The following SCARA3 variants were observed in gnomAD, a reference collection of about 807,000 sequenced individuals.
SCARA3 encodes scavenger receptor class A member 3.
A neutral mutation model predicts 47.0 loss-of-function variants in SCARA3; 39 were observed. The ratio of observed to expected loss-of-function variants is 0.83; its 90% CI spans 0.64 to 1.08. The LOEUF (loss-of-function observed/expected upper bound fraction) is 1.08. SCARA3 is among the 50% of genes least tolerant of loss of function. The pLI, the probability that SCARA3 is intolerant of heterozygous loss-of-function variation, is 0.00. For missense variants in SCARA3, 724 were observed against 792.3 expected (o/e 0.91, Z 1.04); for synonymous variants, 356 against 334.1 (o/e 1.07, Z -0.71).
downstream of SCARA3, among the ~76,000 whole-genome samples, chr8:27,676,002 GT>G (rs1585303203): frequency 6.6e-6 from 1 of 152,200 alleles, no homozygotes; most frequent in East Asian, 1.9e-4. Context: ...GAAAAATATT[GT>G]TTTTTGATTT....
chr8:27,728,368 C>G, the SCARA3 span, among the ~76,000 whole-genome samples: 1 of 152,212 alleles, frequency 6.6e-6, no homozygotes, highest in East Asian at 1.9e-4. Flanking sequence ...GAAGAACCCA[C>G]AAATGGGTGG....
chr8:27,704,973 A>G, the SCARA3 span, among the ~76,000 whole-genome samples: 1 of 152,136 alleles, frequency 6.6e-6, no homozygotes, highest in African/African-American at 2.4e-5. Flanking sequence ...GCTGCAAAAT[A>G]ATCTCAACTT....
the SCARA3 span, among the ~76,000 whole-genome samples, chr8:27,700,022 A>G: frequency 6.6e-6 from 1 of 152,218 alleles, no homozygotes; most frequent in Non-Finnish European, 1.5e-5. Flanking sequence ...ACAAAAATTC[A>G]TCTGATATGG....
chr8:27,649,756 C>A lies in SCARA3; in HGVS notation c.62C>A (p.Ala21Glu), dbSNP rs537828895. ...TTGTGCGTTACAGAAGAGGACCTGGCGGGTGACGACGAGGACATGCCGACC... is the reference window on the plus strand; with the variant it reads ...TTGTGCGTTACAGAAGAGGACCTGGAGGGTGACGACGAGGACATGCCGACC... Reference protein sequence around the residue: ...DALCVTEEDLAGDDEDMPTFP... With the variant: ...DALCVTEEDLEGDDEDMPTFP... Residue 21 changes from alanine (A) to glutamate (E), a missense_variant, in exon 2 of 6, where the codon GCG becomes GAG. Physicochemically the swap from Ala to Glu is moderately radical, Grantham distance 107. Transcript: ENST00000301904. The A allele has an allele frequency of 6.2e-7, 1 of 1,614,092 alleles. No homozygotes were observed. The highest frequency in any genetic ancestry group is 8.5e-7 in the Non-Finnish European group (1 of 1,180,012).
chr8:27,731,573 C>T, the SCARA3 span, among the ~76,000 whole-genome samples: 2 of 140,442 alleles, frequency 1.4e-5, no homozygotes, highest in Non-Finnish European at 3.0e-5. Context: ...GCCTCGGAGA[C>T]GGAGGTTGCA....
rs761562037 is a variant in SCARA3, at chr8:27,651,460, A to C, written c.107-48A>C. The C allele has an allele frequency of 3.8e-6, 6 of 1,597,592 alleles. No homozygotes were observed. In the East Asian group the frequency reaches 1.3e-4, roughly 36 times the overall value. On this transcript the variant is annotated intron_variant, in intron 2 of 5. Coordinates refer to ENST00000301904, the MANE Select transcript of SCARA3 (RefSeq NM_016240.3). ...AACATGGAACTGACCCTTCAGCTCC[A>C]ACCTGGGCCCCTGGCCTAAGCCATT...
chr8:27,675,514 C>T (rs1273892185), downstream of SCARA3, among the ~76,000 whole-genome samples: 2 of 152,082 alleles, frequency 1.3e-5, no homozygotes, highest in Admixed American at 6.5e-5. Flanking sequence ...GTGTGGCAGG[C>T]GGTATACACA....
chr8:27,664,458 T>A lies in SCARA3; in HGVS notation c.1369+4919T>A, dbSNP rs372299783. ...GGAGTTTAAAGGAATAAGCACAGGG[T>A]CACTCTGATTTAAAATCCTGACCCC... On this transcript the variant is annotated intron_variant, in intron 5 of 5. Coordinates refer to ENST00000301904, the MANE Select transcript of SCARA3 (RefSeq NM_016240.3). Among the ~76,000 whole-genome samples the A allele has an allele frequency of 2.6e-5, 4 of 152,116 alleles. No individual in the cohort carries two copies. The South Asian group carries it at 8.3e-4, about 32-fold the overall frequency.
chr8:27,719,389 A>G, the SCARA3 span, among the ~76,000 whole-genome samples: 34 of 152,254 alleles, frequency 2.2e-4, no homozygotes, highest in African/African-American at 7.9e-4. Flanking sequence ...GAGGGTGAAG[A>G]GTGGGAGGAG....
intron 5 of SCARA3, among the ~76,000 whole-genome samples, chr8:27,668,686 C>T (rs1802075561): frequency 6.6e-6 from 1 of 152,010 alleles, no homozygotes; most frequent in Non-Finnish European, 1.5e-5. Context: ...ATAGTGAAAC[C>T]CCATCTCTGC....
At chr8:27,673,696 C>T (rs1264437924), downstream of SCARA3, among the ~76,000 whole-genome samples, 4 of 152,128 alleles carry the variant, frequency 2.6e-5, no homozygotes, top group Non-Finnish European at 2.9e-5. Flanking sequence ...TCTGAGATGT[C>T]CACAGCACCT....
the SCARA3 span, among the ~76,000 whole-genome samples, chr8:27,710,538 C>CT: frequency 1.3e-5 from 2 of 152,136 alleles, no homozygotes; most frequent in African/African-American, 4.8e-5. Context: ...TGAACGAAAA[C>CT]TATCACCCCA....
intron 1 of SCARA3, among the ~76,000 whole-genome samples, chr8:27,642,111 G>A (rs979570465): frequency 4.6e-5 from 7 of 152,172 alleles, no homozygotes; most frequent in African/African-American, 1.7e-4. Flanking sequence ...CTCTAAGATG[G>A]CGATAGAGTA....
Position 27,656,941 on chromosome 8 carries a change from C to T in SCARA3, c.325+61C>T, listed in dbSNP as rs1053101257. The T allele has an allele frequency of 2.8e-6, 3 of 1,064,564 alleles. No individual in the cohort carries two copies. The African/African-American group carries it at 4.7e-5, about 17-fold the overall frequency. The allele number at this position is 1,064,564 out of a possible 1,614,324, so 65.9% of individuals were successfully genotyped here. On this transcript the variant is annotated intron_variant, in intron 4 of 5. Coordinates refer to ENST00000301904, the MANE Select transcript of SCARA3 (RefSeq NM_016240.3). Reference sequence around the variant, plus strand: ...CTTCAGGGTGGGGCAGGGGTGCCCTCCCCACGCTACAGTGCCCCAGCACCA... The same window carrying T: ...CTTCAGGGTGGGGCAGGGGTGCCCTTCCCACGCTACAGTGCCCCAGCACCA...
At chr8:27,677,416 G>C (rs182825360), downstream of SCARA3, among the ~76,000 whole-genome samples, 2 of 152,350 alleles carry the variant, frequency 1.3e-5, no homozygotes, top group East Asian at 3.9e-4. Flanking sequence ...TGATCAGCTC[G>C]AATCTATGGG....
the SCARA3 span, among the ~76,000 whole-genome samples, chr8:27,720,306 A>T: frequency 0.033 from 5,081 of 152,116 alleles, 276 homozygotes; most frequent in East Asian, 0.2. Flanking sequence ...CTTGAAGCTG[A>T]TATACTCTGG....
At chr8:27,715,875 TAGATAGAA>T in the SCARA3 span, among the ~76,000 whole-genome samples, 17 of 147,544 alleles carry the variant, frequency 1.2e-4, no homozygotes, top group East Asian at 5.9e-4. This position sits in a 1 kb window ranked among gnomAD's most constrained non-coding sequence, Gnocchi z 4.2. Context: ...CATAGATAGA[TAGATAGAA>T]AGAAACATAG....
intron 3 of SCARA3, among the ~76,000 whole-genome samples, chr8:27,654,836 T>G (rs1276118286): frequency 1.3e-5 from 2 of 149,256 alleles, no homozygotes; most frequent in Non-Finnish European, 3.0e-5. Flanking sequence ...AATGAACAGG[T>G]GAATGAATTA....
At position 27,649,786 on chromosome 8, in the gene SCARA3, C is replaced by T; in HGVS notation, c.92C>T (p.Pro31Leu). The T allele has an allele frequency of 6.2e-7, 1 of 1,613,990 alleles. No homozygotes were observed. Among genetic ancestry groups the T allele is most frequent in the Non-Finnish European group, 8.5e-7 (1 of 1,179,932 alleles). Residue 31 changes from proline to leucine, a missense_variant, in exon 2 of 6, where the codon CCA (proline) becomes CTA (leucine). Transcript: ENST00000301904. Reference sequence around the variant, plus strand: ...GACGACGAGGACATGCCGACCTTCCCATGCACCCAGAAGGGTAAGGACTCT... The same window carrying T: ...GACGACGAGGACATGCCGACCTTCCTATGCACCCAGAAGGGTAAGGACTCT... ...AGDDEDMPTFPCTQKGRPGPR... is the reference protein window; with the variant it reads ...AGDDEDMPTFLCTQKGRPGPR...
Sources: gnomAD v4.1 joint callset for allele counts (sites outside exome capture counted in the v4.1 genomes callset) on GRCh38, gnomAD v4.1.1 for gene constraint, Gnocchi (gnomAD v3.1) non-coding constraint, MANE v1.5 for transcripts, NCBI Gene and HGNC (gene_info 2026-07-23, HGNC 2026-07-21) for gene names.